Variants in PHTF1 observed in about 807,000 individuals in gnomAD.
PHTF1 encodes protein PHTF1.
Under a neutral mutation model 102.4 loss-of-function variants are expected in PHTF1, and 88 were observed. That is an observed-to-expected ratio of 0.86 (90% CI 0.72 to 1.03). PHTF1 has a LOEUF of 1.03. Among genes scored for constraint, PHTF1 ranks in the 50% least tolerant of loss-of-function variants. The pLI is 0.00. For synonymous variants in PHTF1, 289 were observed against 305.2 expected (o/e 0.95, Z 0.55); for missense variants, 814 against 909.5 (o/e 0.89, Z 1.35).
At chr1:113,758,801 C>A in intron 1 of PHTF1, 68 bp from the exon 2 acceptor site, 7 of 1,508,518 alleles carry the variant, frequency 4.6e-6, no homozygotes, top group Non-Finnish European at 6.2e-6. Context: ...TTGGGTAGGA[C>A]GCGAAAACCG....
At chr1:113,752,669 C>A (rs1186416170) in intron 3 of PHTF1, among the ~76,000 whole-genome samples, 1 of 152,182 alleles carries the variant, frequency 6.6e-6, no homozygotes, top group African/African-American at 2.4e-5. Flanking sequence ...CAGGCGTGAG[C>A]CACTGCGCCC....
chr1:113,714,554 AC>A (rs1417545006), intron 7 of PHTF1: 1 of 152,394 alleles, frequency 6.6e-6, no homozygotes, highest in Non-Finnish European at 1.5e-5. Flanking sequence ...GCTTGAGGAA[AC>A]GGGAGAGAAG....
chr1:113,708,740 A>C (rs1031814493), intron 11 of PHTF1, among the ~76,000 whole-genome samples: 6 of 152,212 alleles, frequency 3.9e-5, no homozygotes, highest in African/African-American at 1.4e-4. Flanking sequence ...ACAGGATTGG[A>C]AAATGATTTA....
In PHTF1 at chr1:113,737,974, T is replaced by C. The variant is rs1011165766; in HGVS notation, c.331+136A>G. 12 of 619,518 alleles carry C rather than the reference T, an allele frequency of 1.9e-5. No individual in the cohort carries two copies. In the Admixed American group the frequency reaches 2.4e-4, roughly 13 times the overall value. 38.4% of individuals were successfully genotyped at this position (619,518 alleles called of 1,614,324 possible). ...AGATAATTTTAATATGAACCCCAAA[T>C]GGCATATGTCTCTTCATTCTGTGTA... On this transcript the variant is annotated intron_variant, in intron 5 of 18. Coordinates refer to ENST00000369604, the MANE Select transcript of PHTF1 (RefSeq NM_001323043.2).
At chr1:113,722,918 TCAAA>T (rs1653195105) in intron 7 of PHTF1, among the ~76,000 whole-genome samples, 2 of 113,530 alleles carry the variant, frequency 1.8e-5, no homozygotes, top group Non-Finnish European at 3.8e-5. Flanking sequence ...AGACTCCATC[TCAAA>T]TAAATAAATA....
intron 3 of PHTF1, among the ~76,000 whole-genome samples, chr1:113,750,846 A>G (rs1186319562): frequency 6.8e-6 from 1 of 147,548 alleles, no homozygotes; most frequent in African/African-American, 2.5e-5. Flanking sequence ...TCTGTCTCCA[A>G]AAAAAAAAAA....
chr1:113,708,824 A>C (rs1650614603), intron 11 of PHTF1, among the ~76,000 whole-genome samples: 1 of 152,164 alleles, frequency 6.6e-6, no homozygotes, highest in Non-Finnish European at 1.5e-5. Context: ...GCAAATCTCA[A>C]AGGAGGGGAG....
chr1:113,706,830 A>T, intron 11 of PHTF1, 108 bp from the exon 12 acceptor site: 1 of 583,770 alleles, frequency 1.7e-6, no homozygotes, highest in Non-Finnish European at 2.9e-6. Context: ...CACCTCTATA[A>T]TGCTGGTCCT....
At chr1:113,746,707 T>C (rs1657301542) in intron 3 of PHTF1, among the ~76,000 whole-genome samples, 1 of 152,222 alleles carries the variant, frequency 6.6e-6, no homozygotes, top group Non-Finnish European at 1.5e-5. Context: ...TATGGAAATA[T>C]ATGTATATCC....
In PHTF1 at chr1:113,698,328, G is replaced by T; in HGVS notation, c.2202C>A (p.Ile734=). The change falls in exon 18 of 19, where the codon ATC becomes ATA. Residue 734 remains isoleucine, a synonymous_variant. Coordinates refer to ENST00000369604, the MANE Select transcript of PHTF1 (RefSeq NM_001323043.2). ...GLTMNPLIYN[I]TRVVILSAVS... is the part of the protein sequence containing the mutation. Reference sequence around the variant, plus strand: ...CAGCAGAAAGGATAACTACTCTTGTGATATTGTAGATTAAGGGATTCATTG... The same window carrying T: ...CAGCAGAAAGGATAACTACTCTTGTTATATTGTAGATTAAGGGATTCATTG... The T allele has an allele frequency of 6.2e-7, 1 of 1,606,066 alleles. No individual in the cohort carries two copies. Among genetic ancestry groups the T allele is most frequent in the South Asian group, 1.1e-5 (1 of 90,898 alleles).
rs371523931 is a variant in PHTF1 at position 113,713,283 on chromosome 1, C to A, written c.779G>T (p.Arg260Leu). The A allele has an allele frequency of 2.5e-6, 4 of 1,613,184 alleles. No homozygotes were observed. In the South Asian group the frequency reaches 4.4e-5, roughly 18 times the overall value. ...TTAAATCCATCTAAATCTTACCCTACGGCACTTTTCTCCATCTGAAAATTT... is the reference window on the plus strand; with the variant it reads ...TTAAATCCATCTAAATCTTACCCTAAGGCACTTTTCTCCATCTGAAAATTT... ...KAKFSDGEKC[R>L]REAFRRLGNG... is the part of the protein sequence containing the mutation. The change falls in exon 8 of 19, where the codon CGT (arginine) becomes CTT (leucine). Residue 260 changes from arginine (R) to leucine (L), a missense_variant. Arg to Leu is a moderately radical substitution (Grantham distance 102, BLOSUM62 -2). Coordinates refer to ENST00000369604, the MANE Select transcript of PHTF1 (RefSeq NM_001323043.2).
At chr1:113,701,660 A>G (rs563432496) in intron 15 of PHTF1, among the ~76,000 whole-genome samples, 52 of 151,868 alleles carry the variant, frequency 3.4e-4, no homozygotes, top group African/African-American at 1.1e-3. Flanking sequence ...ATTGCCTTAC[A>G]AGACCTTTGT....
rs1311131729 is a variant in PHTF1, at chr1:113,753,437, T to TA, written c.102+4261_102+4262insT. On this transcript the variant is annotated intron_variant, in intron 3 of 18. Transcript: ENST00000369604. ...TTAATTAGGTTCTTCTTTTTTTTTTTTTATTTTTGAGACGGAGTCTCGCTT... is the reference window on the plus strand; with the variant it reads ...TTAATTAGGTTCTTCTTTTTTTTTTTATTATTTTTGAGACGGAGTCTCGCTT... Among the ~76,000 whole-genome samples the TA allele has an allele frequency of 2.6e-5, 4 of 152,186 alleles. No individual in the cohort carries two copies. The East Asian group carries it at 7.7e-4, about 29-fold the overall frequency.
At chr1:113,721,941 G>A (rs183534621) in intron 7 of PHTF1, among the ~76,000 whole-genome samples, 2,544 of 151,346 alleles carry the variant, frequency 0.017, 77 homozygotes, top group African/African-American at 0.057. Flanking sequence ...TGATCCGCCC[G>A]CCTTGGCCTC....
intron 17 of PHTF1, chr1:113,699,438 G>T: frequency 1.7e-6 from 1 of 601,992 alleles, no homozygotes; most frequent in South Asian, 1.5e-5. Context: ...ATCTCCTCCA[G>T]GGACTTGATC....
chr1:113,715,969 A>C (rs1386369515), intron 7 of PHTF1, among the ~76,000 whole-genome samples: 2 of 152,046 alleles, frequency 1.3e-5, no homozygotes, highest in Non-Finnish European at 2.9e-5. Context: ...AAAGATCTGG[A>C]AAATAGCCTC....
chr1:113,727,736 T>C (rs979469335), intron 5 of PHTF1, among the ~76,000 whole-genome samples: 1 of 152,034 alleles, frequency 6.6e-6, no homozygotes, highest in African/African-American at 2.4e-5. Context: ...TGAGGTCTGG[T>C]GGGTAGATCA....
chr1:113,726,620 T>C (rs1191841861), intron 5 of PHTF1, 46 bp from the exon 6 acceptor site: 5 of 1,157,074 alleles, frequency 4.3e-6, no homozygotes, highest in Non-Finnish European at 3.7e-6. Context: ...AGCTCTTCTT[T>C]AAAATTAATT....
intron 5 of PHTF1, among the ~76,000 whole-genome samples, chr1:113,731,339 C>G (rs1654599541): frequency 6.6e-6 from 1 of 151,864 alleles, no homozygotes. Flanking sequence ...CAAAGACCAG[C>G]CTGGGCAATA....
Sources: allele counts gnomAD v4.1 joint callset (sites outside exome capture counted in the v4.1 genomes callset), GRCh38; gene constraint gnomAD v4.1.1; transcripts MANE v1.5; gene names NCBI Gene and HGNC (gene_info 2026-07-23, HGNC 2026-07-21).